MAP3K4: variants seen among roughly 807,000 people sequenced by gnomAD.
MAP3K4 encodes the protein mitogen-activated protein kinase kinase kinase 4.
In MAP3K4, 67 loss-of-function variants were observed where a neutral mutation model predicts 185.6. The observed-to-expected ratio is 0.36, with a 90% CI of 0.30 to 0.44. MAP3K4 has a LOEUF of 0.44. Ranked by LOEUF, MAP3K4 falls within the 20% of genes least tolerant of loss-of-function variation. The pLI is 1.00. For missense variants in MAP3K4, 1,551 were observed against 1,995.1 expected (o/e 0.78, Z 4.24); for synonymous variants, 702 against 710.4 (o/e 0.99, Z 0.19).
intron 1 of MAP3K4, among the ~76,000 whole-genome samples, chr6:161,015,416 A>C (rs571075797): frequency 1.3e-5 from 2 of 152,274 alleles, no homozygotes; most frequent in East Asian, 3.9e-4. Context: ...ACGTTTACCT[A>C]TGTAATAAAC....
chr6:161,087,239 G>C lies in MAP3K4; in HGVS notation c.2557-449G>C, dbSNP rs2114856028. Among the ~76,000 whole-genome samples, 1 of 152,320 alleles carries C rather than the reference G, an allele frequency of 6.6e-6. No homozygotes were observed. Among genetic ancestry groups the C allele is most frequent in the Middle Eastern group, 3.4e-3 (1 of 294 alleles). On this transcript the variant is annotated intron_variant, in intron 9 of 26. Coordinates refer to ENST00000392142, the MANE Select transcript of MAP3K4 (RefSeq NM_005922.4). The surrounding 1 kb of genome is among the most constrained non-coding windows in gnomAD (Gnocchi z 4.9). The stretch of plus-strand genomic sequence containing the variant: ...GTGCCACCACATGTGTACCCTTTGA[G>C]AAACTGATCTCAAGGAGCCTTCTTG...
rs958007961 is a variant in MAP3K4 at position 161,077,773 on chromosome 6, T to A, written c.2098-3108T>A. 6.6e-6 allele frequency among the ~76,000 whole-genome samples: 1 copy of A among 151,960 alleles called. No individual in the cohort carries two copies. The highest frequency in any genetic ancestry group is 2.4e-5 in the African/African-American group (1 of 41,352). The stretch of plus-strand genomic sequence containing the variant: ...TGTCCAGCTCCTGCAGCTGTGTGAG[T>A]GGTGAAGATGTGAGTCCGGTGAGGA... On this transcript the variant is annotated intron_variant, in intron 5 of 26. Coordinates refer to ENST00000392142, the MANE Select transcript of MAP3K4 (RefSeq NM_005922.4). This position sits in a 1 kb window ranked among gnomAD's most constrained non-coding sequence, Gnocchi z 4.3.
intron 1 of MAP3K4, among the ~76,000 whole-genome samples, chr6:161,031,078 G>A (rs561529505): frequency 8.6e-4 from 131 of 152,186 alleles, no homozygotes; most frequent in African/African-American, 2.9e-3. Context: ...ATTCATCTTC[G>A]TTTCAGTGTG....
chr6:161,109,156 G>A lies in MAP3K4; in HGVS notation c.4236+297G>A, dbSNP rs6922534. 0.061 allele frequency: 38,514 copies of A among 634,022 alleles called. 1,339 individuals carry two copies. Among genetic ancestry groups the A allele is most frequent in the South Asian group, 0.084 (4,928 of 58,726 alleles). 39.3% of individuals were successfully genotyped at this position (634,022 alleles called of 1,614,324 possible). On this transcript the variant is annotated intron_variant, in intron 22 of 26. Transcript: ENST00000392142. This position sits in a 1 kb window ranked among gnomAD's most constrained non-coding sequence, Gnocchi z 5.7. ...CACCACTTCTTGTGACTTTTTTTCC[G>A]TTTTTTTGCTGAACCACTGTTGAGT...
chr6:161,081,112 C>G, intron 6 of MAP3K4, 74 bp downstream of exon 6: 2 of 1,484,716 alleles, frequency 1.3e-6, no homozygotes, highest in Non-Finnish European at 9.2e-7. Context: ...CTGATTCTCT[C>G]CTATGTGTTT....
Position 161,080,662 on chromosome 6 carries a change from A to T in MAP3K4, c.2098-219A>T. The T allele has an allele frequency of 2.0e-6, 1 of 494,988 alleles. No individual in the cohort carries two copies. Among genetic ancestry groups the T allele is most frequent in the Non-Finnish European group, 3.6e-6 (1 of 277,614 alleles). 30.7% of individuals were successfully genotyped at this position (494,988 alleles called of 1,614,324 possible). A position where few individuals can be genotyped will look rare whatever the true frequency, so the allele number is the denominator to read the frequency against. Reference sequence around the variant, plus strand: ...GGATTTTGAAGGGGTTGTCAATAATATGTTAAATTGCTGGGGAGTTAGTTT... The same window carrying T: ...GGATTTTGAAGGGGTTGTCAATAATTTGTTAAATTGCTGGGGAGTTAGTTT... On this transcript the variant is annotated intron_variant, in intron 5 of 26. Coordinates refer to ENST00000392142, the MANE Select transcript of MAP3K4 (RefSeq NM_005922.4). The surrounding 1 kb of genome is among the most constrained non-coding windows in gnomAD (Gnocchi z 4.8).
At position 161,084,866 on chromosome 6, in the gene MAP3K4, G is replaced by T. The variant is rs138946352; in HGVS notation, c.2372+249G>T. Among the ~76,000 whole-genome samples, 2 of 152,322 alleles carry T rather than the reference G, an allele frequency of 1.3e-5. No individual in the cohort carries two copies. The highest frequency in any genetic ancestry group is 2.9e-5 in the Non-Finnish European group (2 of 68,024). On this transcript the variant is annotated intron_variant, in intron 7 of 26. Transcript: ENST00000392142. The surrounding 1 kb of genome is among the most constrained non-coding windows in gnomAD (Gnocchi z 4.6). Reference sequence around the variant, plus strand: ...AGTGTGATAAAAATAGTGCCAACTGGCTGGGCGCGGTGGCTCACGCCTGTA... The same window carrying T: ...AGTGTGATAAAAATAGTGCCAACTGTCTGGGCGCGGTGGCTCACGCCTGTA...
At chr6:161,104,299 G>A (rs6935472) in intron 19 of MAP3K4, among the ~76,000 whole-genome samples, 6,646 of 151,582 alleles carry the variant, frequency 0.044, 390 homozygotes, top group African/African-American at 0.13. Context: ...CTGTAATCCC[G>A]GCTACTCAGG....
In MAP3K4 at chr6:161,067,149, CTA is replaced by C. The variant is rs531642596; in HGVS notation, c.1708-3457_1708-3456del. The C allele has an allele frequency of 4.6e-4, 125 of 273,490 alleles. No individual in the cohort carries two copies. Among genetic ancestry groups the C allele is most frequent in the African/African-American group, 2.7e-3 (120 of 44,558 alleles). The allele number at this position is 273,490 out of a possible 1,614,324, so 16.9% of individuals were successfully genotyped here. ...GTGACACAGCCTCAGGACGTCCTGA[CTA>C]TGTGTGCCCAAGGTGGTCAGGGCAC... On this transcript the variant is annotated intron_variant, in intron 3 of 26. Transcript: ENST00000392142. The surrounding 1 kb of genome is among the most constrained non-coding windows in gnomAD (Gnocchi z 6.3).
rs113716362 is a variant in MAP3K4, at chr6:161,049,270, A to C, written c.998A>C (p.Lys333Thr). The C allele has an allele frequency of 6.2e-7, 1 of 1,614,168 alleles. No homozygotes were observed. Among genetic ancestry groups the C allele is most frequent in the East Asian group, 2.2e-5 (1 of 44,882 alleles). ...CAGTGCAAAGCCACTCCTGGAACAA[A>C]GATTGTAGGTTACTCAACACATCAT... is the stretch of plus-strand genomic sequence containing the variant. ...EGQCKATPGT[K>T]IVGYSTHHEH... Residue 333 changes from lysine (K) to threonine (T), a missense_variant, in exon 3 of 27, where the codon AAG becomes ACG. By Grantham distance (78) the Lys-to-Thr change is moderately conservative. Transcript: ENST00000392142. This position sits in a 1 kb window ranked among gnomAD's most constrained non-coding sequence, Gnocchi z 8.4.
At position 161,083,203 on chromosome 6, in the gene MAP3K4, G is replaced by A. The variant is rs532726956; in HGVS notation, c.2256-1298G>A. On this transcript the variant is annotated intron_variant, in intron 6 of 26. Coordinates refer to ENST00000392142, the MANE Select transcript of MAP3K4 (RefSeq NM_005922.4). ...GTCTTTATCCAGATGTTACCTTCTC[G>A]GTATATTTAAGATGGAAATTCCTAC... 4.5e-4 allele frequency among the ~76,000 whole-genome samples: 68 copies of A among 151,968 alleles called. 4 individuals are homozygous for A. In the South Asian group the frequency reaches 0.014, roughly 31 times the overall value.
At chr6:160,995,664 G>T (rs1381646906) in intron 1 of MAP3K4, among the ~76,000 whole-genome samples, 2 of 152,182 alleles carry the variant, frequency 1.3e-5, no homozygotes, top group African/African-American at 4.8e-5. Context: ...TGTTGTTATT[G>T]TTAGTGATTA....
rs938793279 is a variant in MAP3K4 at position 161,061,964 on chromosome 6, G to A, written c.1708-8644G>A. On this transcript the variant is annotated intron_variant, in intron 3 of 26. Transcript: ENST00000392142. This position sits in a 1 kb window ranked among gnomAD's most constrained non-coding sequence, Gnocchi z 4.2. ...AAAATCTAAATGTATTCTCAAAGAA[G>A]TTTAGCTTCTCTGACAGGGATAGTT... 1.3e-5 allele frequency among the ~76,000 whole-genome samples: 2 copies of A among 152,138 alleles called. No individual in the cohort carries two copies. Among genetic ancestry groups the A allele is most frequent in the Non-Finnish European group, 2.9e-5 (2 of 68,020 alleles).
Position 161,101,226 on chromosome 6 carries a change from G to C in MAP3K4, c.3675-666G>C, listed in dbSNP as rs1294566143. On this transcript the variant is annotated intron_variant, in intron 17 of 26. Coordinates refer to ENST00000392142, the MANE Select transcript of MAP3K4 (RefSeq NM_005922.4). This position sits in a 1 kb window ranked among gnomAD's most constrained non-coding sequence, Gnocchi z 5.1. Reference sequence around the variant, plus strand: ...GAACATTTCACTTTATTCTGGAAAAGCACCTCATTAACTTTGTTCTTTAAT... The same window carrying C: ...GAACATTTCACTTTATTCTGGAAAACCACCTCATTAACTTTGTTCTTTAAT... The C allele has an allele frequency of 6.6e-6, 1 of 152,098 alleles. No individual in the cohort carries two copies. Among genetic ancestry groups the C allele is most frequent in the East Asian group, 1.9e-4 (1 of 5,196 alleles). 9.4% of individuals were successfully genotyped at this position (152,098 alleles called of 1,614,324 possible).
At position 161,034,123 on chromosome 6, in the gene MAP3K4, A is replaced by G; in HGVS notation, c.153-136A>G. On this transcript the variant is annotated intron_variant, in intron 1 of 26. Transcript: ENST00000392142. This position sits in a 1 kb window ranked among gnomAD's most constrained non-coding sequence, Gnocchi z 4.4. ...TCTCCTTTTGAGTTTTCACAGGTAA[A>G]AATGAGGAGGAGCACAGTGCTGAAG... is the stretch of plus-strand genomic sequence containing the variant. 1 of 608,412 alleles carries G rather than the reference A, an allele frequency of 1.6e-6. No individual in the cohort carries two copies. The highest frequency in any genetic ancestry group is 4.5e-4 in the Middle Eastern group (1 of 2,216). The allele number at this position is 608,412 out of a possible 1,614,324, so 37.7% of individuals were successfully genotyped here. A position where few individuals can be genotyped will look rare whatever the true frequency, so the allele number is the denominator to read the frequency against.
chr6:161,112,730 A>G lies in MAP3K4; in HGVS notation c.4582A>G (p.Ile1528Val). Residue 1528 changes from isoleucine (I) to valine (V), a missense_variant, in exon 25 of 27, where the codon ATC becomes GTC. By Grantham distance (29) the Ile-to-Val change is conservative (BLOSUM62 3). This residue lies in a region of MAP3K4 where 159 missense variants were observed against 300.5 expected (regional missense o/e 0.53). Coordinates refer to ENST00000392142, the MANE Select transcript of MAP3K4 (RefSeq NM_005922.4). This position sits in a 1 kb window ranked among gnomAD's most constrained non-coding sequence, Gnocchi z 5.1. ...KGEGHGRAAD[I>V]WSLGCVVIEM... ...AGAGGGCCATGGGCGTGCGGCCGAC[A>G]TCTGGAGTCTGGGGTGTGTTGTCAT... The G allele has an allele frequency of 6.2e-7, 1 of 1,609,400 alleles. No individual in the cohort carries two copies. The highest frequency in any genetic ancestry group is 1.1e-5 in the South Asian group (1 of 90,292).
rs930795499 is a variant in MAP3K4 at position 161,049,950 on chromosome 6, G to A, written c.1678G>A (p.Ala560Thr). The change falls in exon 3 of 27, where the codon GCA (alanine) becomes ACA (threonine). Residue 560 changes from alanine (A) to threonine (T), a missense_variant. Physicochemically the swap from Ala to Thr is moderately conservative, Grantham distance 58 (BLOSUM62 0). This residue lies in a region of MAP3K4 where 86 missense variants were observed against 81.6 expected (regional missense o/e 1.05). Coordinates refer to ENST00000392142, the MANE Select transcript of MAP3K4 (RefSeq NM_005922.4). The surrounding 1 kb of genome is among the most constrained non-coding windows in gnomAD (Gnocchi z 8.4). ...MDGSLQRARI[A>T]LVKNDRPVEF... ...TGGTTCCTTGCAAAGGGCACGTATA[G>A]CATTGGTAAAGAACGATCGTCCAGT... The A allele has an allele frequency of 3.1e-6, 5 of 1,612,580 alleles. No homozygotes were observed. Among genetic ancestry groups the A allele is most frequent in the Admixed American group, 1.7e-5 (1 of 59,846 alleles).
chr6:161,015,781 C>T (rs1782073106), intron 1 of MAP3K4, among the ~76,000 whole-genome samples: 2 of 152,122 alleles, frequency 1.3e-5, no homozygotes, highest in South Asian at 4.1e-4. Context: ...TCACTCATTA[C>T]TATGAGGCTG....
rs898148640 is a variant in MAP3K4, at chr6:161,116,040, G to A, written c.4806+738G>A. On this transcript the variant is annotated intron_variant, in intron 26 of 26. Coordinates refer to ENST00000392142, the MANE Select transcript of MAP3K4 (RefSeq NM_005922.4). The surrounding 1 kb of genome is among the most constrained non-coding windows in gnomAD (Gnocchi z 6.2). The stretch of plus-strand genomic sequence containing the variant: ...CCAAGGGGTTGGGAGAGGGCGTTCC[G>A]GGTGAGTGAACAGCGGCATTTAAGA... Among the ~76,000 whole-genome samples the A allele has an allele frequency of 1.3e-5, 2 of 152,126 alleles. No homozygotes were observed. The highest frequency in any genetic ancestry group is 6.5e-5 in the Admixed American group (1 of 15,274).
Sources: allele counts gnomAD v4.1 joint callset (sites outside exome capture counted in the v4.1 genomes callset), GRCh38; gene constraint gnomAD v4.1.1; regional missense constraint gnomAD v4.1.1; non-coding constraint Gnocchi (gnomAD v3.1); transcripts MANE v1.5; gene names NCBI Gene and HGNC (gene_info 2026-07-23, HGNC 2026-07-21).